Variants in GSTO2 observed in about 807,000 individuals in gnomAD.
The protein encoded by GSTO2 is glutathione S-transferase omega-2.
A neutral mutation model predicts 28.4 loss-of-function variants in GSTO2; 23 were observed. That is an observed-to-expected ratio of 0.81 (90% CI 0.58 to 1.15). GSTO2 has a LOEUF of 1.15. Ranked by LOEUF, GSTO2 falls within the 50% of genes most tolerant of loss-of-function variation. The pLI is 0.00. For synonymous variants in GSTO2, 109 were observed against 111.0 expected (o/e 0.98, Z 0.11); for missense variants, 298 against 297.8 (o/e 1.00, Z 0.00).
chr10:104,275,188 C>T (rs1360263731), intron 2 of GSTO2, 38 bp from the exon 3 acceptor site: 36 of 1,580,400 alleles, frequency 2.3e-5, no homozygotes, highest in Admixed American at 5.5e-5. Flanking sequence ...GCTGACTAGC[C>T]TCTCCTTTCC....
rs45582439 is a variant in GSTO2, at chr10:104,279,392, G to A, written c.389G>A (p.Cys130Tyr). ...TAGGTCCCACATTTGACCAAGGAGTGCCTGGTAGCGTTGAGATGTGGGAGA... is the reference window on the plus strand; with the variant it reads ...TAGGTCCCACATTTGACCAAGGAGTACCTGGTAGCGTTGAGATGTGGGAGA... Reference protein sequence around the residue: ...FCKVPHLTKECLVALRCGREC... With the variant: ...FCKVPHLTKEYLVALRCGREC... Residue 130 changes from cysteine (C) to tyrosine (Y), a missense_variant, in exon 5 of 7, where the codon TGC becomes TAC. By Grantham distance (194) the Cys-to-Tyr change is radical (BLOSUM62 -2). Coordinates refer to ENST00000338595, the MANE Select transcript of GSTO2 (RefSeq NM_183239.2). 77 of 1,613,994 alleles carry A rather than the reference G, an allele frequency of 4.8e-5. No homozygotes were observed. The East Asian group carries it at 1.6e-3, about 34-fold the overall frequency.
At chr10:104,286,673 A>C (rs1444725595) in intron 5 of GSTO2, among the ~76,000 whole-genome samples, 1 of 152,178 alleles carries the variant, frequency 6.6e-6, no homozygotes, top group Non-Finnish European at 1.5e-5. Context: ...TGCCTCGTTA[A>C]GTGTATTAGT....
rs1264794964 is a variant in GSTO2 at position 104,275,237 on chromosome 10, C to A, written c.46C>A (p.Pro16Thr). The A allele has an allele frequency of 5.0e-6, 8 of 1,613,600 alleles. No homozygotes were observed. In the East Asian group the frequency reaches 1.8e-4, roughly 36 times the overall value. Residue 16 changes from proline to threonine, a missense_variant, in exon 3 of 7, where the codon CCA (proline) becomes ACA (threonine). Transcript: ENST00000338595. ...TRTLGKGSQP[P>T]GPVPEGLIRI... ...TCGCTGCTCTGCAGGAAGCCAGCCCCCAGGGCCAGTCCCGGAGGGGCTGAT... is the reference window on the plus strand; with the variant it reads ...TCGCTGCTCTGCAGGAAGCCAGCCCACAGGGCCAGTCCCGGAGGGGCTGAT...
At chr10:104,293,033 G>T (rs2012850414) in intron 5 of GSTO2, among the ~76,000 whole-genome samples, 1 of 152,184 alleles carries the variant, frequency 6.6e-6, no homozygotes, top group African/African-American at 2.4e-5. Flanking sequence ...TTTTAGTAAA[G>T]TTGCCTGAAG....
intron 5 of GSTO2, among the ~76,000 whole-genome samples, chr10:104,287,733 G>A (rs2012521832): frequency 1.3e-5 from 2 of 151,698 alleles, no homozygotes. Context: ...GAAGGGGGCT[G>A]ATTAGAATTA....
Position 104,297,734 on chromosome 10 carries a change from A to G in GSTO2, c.575+50A>G, listed in dbSNP as rs766406742. The G allele has an allele frequency of 2.9e-5, 38 of 1,289,312 alleles. 1 individual carries two copies. In the Admixed American group the frequency reaches 6.3e-4, roughly 21 times the overall value. 79.9% of individuals were successfully genotyped at this position (1,289,312 alleles called of 1,614,324 possible). ...TAAATTCCCGGAGTCACACTGAGTAACAATGGTTAAGATGGTCTGCATGCC... is the reference window on the plus strand; with the variant it reads ...TAAATTCCCGGAGTCACACTGAGTAGCAATGGTTAAGATGGTCTGCATGCC... On this transcript the variant is annotated intron_variant, in intron 6 of 6. Transcript: ENST00000338595.
chr10:104,282,180 T>A (rs1423741998), intron 5 of GSTO2, among the ~76,000 whole-genome samples: 2 of 144,216 alleles, frequency 1.4e-5, no homozygotes, highest in Non-Finnish European at 3.0e-5. Flanking sequence ...GAGCCAAGAC[T>A]GCGCCACTGC....
chr10:104,274,900 A>C lies in GSTO2; in HGVS notation c.-16A>C. 6.2e-7 allele frequency: 1 copy of C among 1,608,080 alleles called. No homozygotes were observed. On this transcript the variant is annotated 5_prime_UTR_variant, in exon 2 of 7. Transcript: ENST00000338595. ...CGACCGTGAGCTCCGGGAGCTGCGC[A>C]AACCACCTGGAGACCATGTCTGGGG...
chr10:104,298,905 G>C (rs563491112), intron 6 of GSTO2, among the ~76,000 whole-genome samples: 1 of 152,254 alleles, frequency 6.6e-6, no homozygotes, highest in South Asian at 2.1e-4. Flanking sequence ...TCAGTCCAAA[G>C]TATTTCACTG....
rs1023246124 is a variant in GSTO2 at position 104,303,955 on chromosome 10, C to T, written c.*4671C>T. 1 of 152,210 alleles carries T rather than the reference C, an allele frequency of 6.6e-6. No individual in the cohort carries two copies. Among genetic ancestry groups the T allele is most frequent in the Non-Finnish European group, 1.5e-5 (1 of 68,048 alleles). The allele number at this position is 152,210 out of a possible 1,614,324, so 9.4% of individuals were successfully genotyped here. On this transcript the variant is annotated 3_prime_UTR_variant, in exon 7 of 7. Coordinates refer to ENST00000338595, the MANE Select transcript of GSTO2 (RefSeq NM_183239.2). ...GGGCAGGTGTTATGTTTCTTGGTTT[C>T]TCACCTTCAGGTCTCCTTACCCATG... is the stretch of plus-strand genomic sequence containing the variant.
At chr10:104,282,070 G>A (rs2012083642) in intron 5 of GSTO2, among the ~76,000 whole-genome samples, 1 of 151,700 alleles carries the variant, frequency 6.6e-6, no homozygotes, top group Non-Finnish European at 1.5e-5. Context: ...AGAGTTGATG[G>A]TGAGTAATTG....
In GSTO2 at chr10:104,279,464, T is replaced by C; in HGVS notation, c.461T>C (p.Leu154Pro). 1 of 1,612,726 alleles carries C rather than the reference T, an allele frequency of 6.2e-7. No individual in the cohort carries two copies. The highest frequency in any genetic ancestry group is 8.5e-7 in the Non-Finnish European group (1 of 1,178,768). ...GCCCTGCGTCAGGAATTCAGCAACC[T>C]GGAAGAGGTACAAAAAGGGGTCCCT... ...KAALRQEFSNLEEILEYQNTT... is the reference protein window; with the variant it reads ...KAALRQEFSNPEEILEYQNTT... The change falls in exon 5 of 7, where the codon CTG (leucine) becomes CCG (proline). Residue 154 changes from leucine to proline, a missense_variant. Coordinates refer to ENST00000338595, the MANE Select transcript of GSTO2 (RefSeq NM_183239.2).
rs776871728 is a variant in GSTO2 at position 104,275,292 on chromosome 10, A to C, written c.101A>C (p.Tyr34Ser). 4.3e-6 allele frequency: 7 copies of C among 1,613,902 alleles called. No homozygotes were observed. Among genetic ancestry groups the C allele is most frequent in the Non-Finnish European group, 5.1e-6 (6 of 1,179,988 alleles). ...ATCTACAGCATGAGGTTCTGCCCCT[A>C]TTCTCACAGGACCCGCCTCGTCCTC... ...IRIYSMRFCP[Y>S]SHRTRLVLKA... The change falls in exon 3 of 7, where the codon TAT becomes TCT. Residue 34 changes from tyrosine (Y) to serine (S), a missense_variant. Tyr to Ser is a moderately radical substitution (Grantham distance 144). Coordinates refer to ENST00000338595, the MANE Select transcript of GSTO2 (RefSeq NM_183239.2).
chr10:104,297,398 C>A (rs1467788134), intron 5 of GSTO2, 180 bp from the exon 6 acceptor site: 3 of 481,482 alleles, frequency 6.2e-6, no homozygotes, highest in South Asian at 4.4e-5. Flanking sequence ...AGGAGTGTGA[C>A]CCTAAAAGAG....
chr10:104,299,455 G>A lies in GSTO2; in HGVS notation c.*171G>A, dbSNP rs2013193859. The A allele has an allele frequency of 2.8e-6, 2 of 716,762 alleles. No homozygotes were observed. The highest frequency in any genetic ancestry group is 3.4e-5 in the Admixed American group (1 of 29,632). The allele number at this position is 716,762 out of a possible 1,614,324, so 44.4% of individuals were successfully genotyped here. Reference sequence around the variant, plus strand: ...ATCATTTGTCTGACTCCTCTAGCCTGTAGCTGCTGCTACTGCTGCTTTTTT... The same window carrying A: ...ATCATTTGTCTGACTCCTCTAGCCTATAGCTGCTGCTACTGCTGCTTTTTT... On this transcript the variant is annotated 3_prime_UTR_variant, in exon 7 of 7. Coordinates refer to ENST00000338595, the MANE Select transcript of GSTO2 (RefSeq NM_183239.2).
rs746541545 is a variant in GSTO2, at chr10:104,303,129, C to T, written c.*3845C>T. 9 of 152,328 alleles carry T rather than the reference C, an allele frequency of 5.9e-5. No homozygotes were observed. Among genetic ancestry groups the T allele is most frequent in the Non-Finnish European group, 1.2e-4 (8 of 68,028 alleles). 9.4% of individuals were successfully genotyped at this position (152,328 alleles called of 1,614,324 possible). On this transcript the variant is annotated 3_prime_UTR_variant, in exon 7 of 7. Coordinates refer to ENST00000338595, the MANE Select transcript of GSTO2 (RefSeq NM_183239.2). The stretch of plus-strand genomic sequence containing the variant: ...CCACCCTGCACCCTCTGATAGGCCT[C>T]AGTGTGTATTGTTACCCTCCACATG...
At chr10:104,284,000 C>A (rs1243651805) in intron 5 of GSTO2, among the ~76,000 whole-genome samples, 3 of 151,736 alleles carry the variant, frequency 2.0e-5, no homozygotes, top group Non-Finnish European at 4.4e-5. Flanking sequence ...GAAATAACTG[C>A]CTTGTCTAAC....
At chr10:104,284,105 A>G (rs1472870919) in intron 5 of GSTO2, among the ~76,000 whole-genome samples, 2 of 151,686 alleles carry the variant, frequency 1.3e-5, no homozygotes, top group Non-Finnish European at 2.9e-5. Context: ...CATGCCTGCA[A>G]TCCCAGCACT....
intron 5 of GSTO2, among the ~76,000 whole-genome samples, chr10:104,290,877 AAAT>A (rs1419132098): frequency 2.0e-5 from 3 of 152,220 alleles, no homozygotes; most frequent in Non-Finnish European, 4.4e-5. Flanking sequence ...GCACATTTAA[AAAT>A]AACTTAAACA....
Sources: allele counts gnomAD v4.1 joint callset (sites outside exome capture counted in the v4.1 genomes callset), GRCh38; gene constraint gnomAD v4.1.1; transcripts MANE v1.5; gene names NCBI Gene and HGNC (gene_info 2026-07-23, HGNC 2026-07-21).